Variants in MFSD11 observed in about 807,000 individuals in gnomAD.
The protein encoded by MFSD11 is major facilitator superfamily domain containing 11.
A neutral mutation model predicts 53.5 loss-of-function variants in MFSD11; 36 were observed. That is an observed-to-expected ratio of 0.67 (90% CI 0.52 to 0.89). The LOEUF (loss-of-function observed/expected upper bound fraction) is 0.89. Ranked by LOEUF, MFSD11 falls within the 40% of genes least tolerant of loss-of-function variation. MFSD11 has a pLI of 0.00. For missense variants in MFSD11, 530 were observed against 543.9 expected (o/e 0.97, Z 0.25); for synonymous variants, 186 against 184.9 (o/e 1.01, Z -0.05).
intron 9 of MFSD11, 84 bp downstream of exon 9, chr17:76,767,535 A>G (rs2080965274): frequency 5.8e-6 from 5 of 861,282 alleles, no homozygotes; most frequent in African/African-American, 3.4e-5. Flanking sequence ...ATTTCTCACA[A>G]TTCTGTGCAG....
rs1396675378 is a variant in MFSD11 at position 76,778,195 on chromosome 17, G to C, written c.1193G>C (p.Cys398Ser). Residue 398 changes from cysteine to serine, a missense_variant, in exon 13 of 13, where the codon TGC becomes TCC. Physicochemically the swap from Cys to Ser is moderately radical, Grantham distance 112. Transcript: ENST00000685175. ...TGTTTTGTTTGTTCTTAGTCTATTT[G>C]CGCAGCCGTGGCATTTTTCTACAGC... ...FAIFKFVQSI[C>S]AAVAFFYSNY... is the part of the protein sequence containing the mutation. 1 of 1,614,064 alleles carries C rather than the reference G, an allele frequency of 6.2e-7. No homozygotes were observed.
the MFSD11 span, among the ~76,000 whole-genome samples, chr17:76,803,184 C>CAA: frequency 1.3e-5 from 2 of 150,526 alleles, no homozygotes; most frequent in Admixed American, 6.6e-5. Flanking sequence ...ACAAAACAAA[C>CAA]AAAAAAAAAC....
upstream of MFSD11, chr17:76,737,674 A>C (rs1332122262): frequency 5.5e-6 from 1 of 181,380 alleles, no homozygotes; most frequent in Non-Finnish European, 1.2e-5. Context: ...CTCCAAGTTC[A>C]CGCCCCTTTT....
At chr17:76,745,772 A>G (rs1221904158) in intron 7 of MFSD11, among the ~76,000 whole-genome samples, 1 of 152,068 alleles carries the variant, frequency 6.6e-6, no homozygotes, top group Non-Finnish European at 1.5e-5. Flanking sequence ...TATGTGTTAA[A>G]GTGAAAGGAA....
intron 6 of MFSD11, among the ~76,000 whole-genome samples, 177 bp from the exon 7 acceptor site, chr17:76,744,145 C>G (rs566485140): frequency 1.3e-5 from 2 of 152,156 alleles, no homozygotes; most frequent in Non-Finnish European, 2.9e-5. Context: ...ATTTCTCTAA[C>G]TGAAAGACAA....
downstream of MFSD11, among the ~76,000 whole-genome samples, chr17:76,785,248 A>G (rs747851832): frequency 5.9e-5 from 9 of 152,212 alleles, no homozygotes; most frequent in Admixed American, 2.0e-4. Flanking sequence ...CATTTATTAT[A>G]TGAAGTACCT....
intron 8 of MFSD11, among the ~76,000 whole-genome samples, chr17:76,760,911 A>G (rs552252063): frequency 6.6e-6 from 1 of 152,272 alleles, no homozygotes; most frequent in African/African-American, 2.4e-5. Flanking sequence ...TATATGCATA[A>G]GACTACATTG....
At chr17:76,743,720 AG>A (rs1699875365) in intron 6 of MFSD11, among the ~76,000 whole-genome samples, 1 of 152,082 alleles carries the variant, frequency 6.6e-6, no homozygotes, top group African/African-American at 2.4e-5. Context: ...GGGTTCAAAC[AG>A]TTCTCCTGCT....
At chr17:76,748,118 G>A (rs527814958) in intron 7 of MFSD11, 1 of 144,752 alleles carries the variant, frequency 6.9e-6, no homozygotes, top group Non-Finnish European at 1.5e-5. Context: ...GGGGAGAGTG[G>A]GGTGGCTCCC....
Position 76,755,813 on chromosome 17 carries a change from T to TATATATATATA in MFSD11, c.682+1726_682+1727insATATATATATA, listed in dbSNP as rs1491559378. On this transcript the variant is annotated intron_variant, in intron 8 of 12. Transcript: ENST00000685175. ...ATACATATATATATATATATATATA[T>TATATATATATA]TTTTTTTTTTTTTTTTTTTTTTTTT... 7.0e-3 allele frequency among the ~76,000 whole-genome samples: 105 copies of TATATATATATA among 15,020 alleles called. 1 individual carries two copies. The highest frequency in any genetic ancestry group is 9.7e-3 in the Non-Finnish European group (79 of 8,162). 9.9% of individuals were successfully genotyped at this position (15,020 alleles called of 152,430 possible).
chr17:76,738,311 C>A lies in MFSD11; in HGVS notation c.-42C>A. 1 of 1,375,642 alleles carries A rather than the reference C, an allele frequency of 7.3e-7. No homozygotes were observed. Among genetic ancestry groups the A allele is most frequent in the Non-Finnish European group, 1.0e-6 (1 of 966,944 alleles). The allele number at this position is 1,375,642 out of a possible 1,614,324, so 85.2% of individuals were successfully genotyped here. On this transcript the variant is annotated 5_prime_UTR_variant, in exon 1 of 13. It adds an upstream start codon to the 5' untranslated region. Transcript: ENST00000685175. ...GTCAGTGGCTTCGCCCCGAGGAGAG[C>A]TGACTGCCCTGGGCTGCTGCCTCCG... is the stretch of plus-strand genomic sequence containing the variant.
At chr17:76,790,253 G>C in the MFSD11 span, among the ~76,000 whole-genome samples, 124 of 147,102 alleles carry the variant, frequency 8.4e-4, 8 homozygotes, top group South Asian at 0.013. Context: ...TTTTAGTAGA[G>C]ACAGGGTTTC....
chr17:76,744,486 CTATTT>C lies in MFSD11; in HGVS notation c.641+28_641+32del. ...CAACGAGTAAGATGTTGGAAACATT[CTATTT>C]TATTTTAAAATAGATTTTGAGTAGA... On this transcript the variant is annotated intron_variant, in intron 7 of 12. Coordinates refer to ENST00000685175, the MANE Select transcript of MFSD11 (RefSeq NM_001242532.5). 6.3e-7 allele frequency: 1 copy of C among 1,599,592 alleles called. No homozygotes were observed. The highest frequency in any genetic ancestry group is 8.5e-7 in the Non-Finnish European group (1 of 1,174,550).
intron 9 of MFSD11, among the ~76,000 whole-genome samples, chr17:76,769,005 A>G (rs75260929): frequency 1.3e-5 from 2 of 151,136 alleles, no homozygotes; most frequent in Admixed American, 1.3e-4. Flanking sequence ...AAAAAAAAAG[A>G]ATGTTCCTGT....
chr17:76,749,804 C>A (rs1426623545), intron 7 of MFSD11, among the ~76,000 whole-genome samples: 1 of 150,050 alleles, frequency 6.7e-6, no homozygotes, highest in Non-Finnish European at 1.5e-5. Context: ...GTAGGAGAAT[C>A]GCTTGAACCA....
upstream of MFSD11, chr17:76,736,692 GC>G: frequency 7.8e-7 from 1 of 1,289,726 alleles, no homozygotes; most frequent in Non-Finnish European, 9.9e-7. Flanking sequence ...GTGCACCCCC[GC>G]CCCGTCCGGG....
At chr17:76,788,720 G>A in the MFSD11 span, among the ~76,000 whole-genome samples, 2 of 147,108 alleles carry the variant, frequency 1.4e-5, no homozygotes, top group African/African-American at 2.5e-5. Flanking sequence ...AGGCTTGGTG[G>A]CACGCGCCTG....
the MFSD11 span, among the ~76,000 whole-genome samples, chr17:76,788,571 G>C: frequency 6.7e-6 from 1 of 149,136 alleles, no homozygotes; most frequent in Admixed American, 6.7e-5. Flanking sequence ...TCACAGCCTC[G>C]GTAGAGGCTG....
chr17:76,752,769 C>T (rs942578622), intron 7 of MFSD11: 2 of 152,184 alleles, frequency 1.3e-5, no homozygotes, highest in African/African-American at 4.8e-5. Flanking sequence ...CCTCTCTCAG[C>T]AGGGCAGGAG....
Sources: gnomAD v4.1 joint callset for allele counts (sites outside exome capture counted in the v4.1 genomes callset) on GRCh38, gnomAD v4.1.1 for gene constraint, MANE v1.5 for transcripts, NCBI Gene and HGNC (gene_info 2026-07-23, HGNC 2026-07-21) for gene names.